The following VPS13C variants were observed in gnomAD, a reference collection of about 807,000 sequenced individuals.
VPS13C encodes vacuolar protein sorting 13 homolog C.
Under a neutral mutation model 456.8 loss-of-function variants are expected in VPS13C, and 358 were observed. That is an observed-to-expected ratio of 0.78 (90% CI 0.72 to 0.86). VPS13C has a LOEUF of 0.86. Among genes scored for constraint, VPS13C ranks in the 40% least tolerant of loss-of-function variants. The pLI is 0.00. For missense variants in VPS13C, 4,818 were observed against 4,385.4 expected (o/e 1.10, Z -2.79); for synonymous variants, 1,578 against 1,486.7 (o/e 1.06, Z -1.41).
rs545746399 is a variant in VPS13C at position 61,988,947 on chromosome 15, T to C, written c.1578+2053A>G. On this transcript the variant is annotated intron_variant, in intron 18 of 84. Transcript: ENST00000644861. Reference sequence around the variant, plus strand: ...TCTAAATACATAAAGTAAGACAATATAAAACTTCTAGAAGCATAGTTTCAT... The same window carrying C: ...TCTAAATACATAAAGTAAGACAATACAAAACTTCTAGAAGCATAGTTTCAT... Among the ~76,000 whole-genome samples the C allele has an allele frequency of 9.2e-5, 14 of 152,060 alleles. No homozygotes were observed. In the South Asian group the frequency reaches 2.7e-3, roughly 29 times the overall value.
chr15:61,986,986 T>A (rs2046076475), intron 18 of VPS13C, among the ~76,000 whole-genome samples: 1 of 152,054 alleles, frequency 6.6e-6, no homozygotes, highest in Admixed American at 6.5e-5. Flanking sequence ...ATAATATAAT[T>A]GGTATTGTTC....
intron 8 of VPS13C, among the ~76,000 whole-genome samples, chr15:62,020,938 T>C (rs950605982): frequency 1.3e-5 from 2 of 151,978 alleles, no homozygotes; most frequent in Non-Finnish European, 2.9e-5. Flanking sequence ...GGGTACATAG[T>C]GGAATACTAT....
At chr15:61,984,773 T>C (rs1406288640) in intron 19 of VPS13C, 84 bp downstream of exon 19, 21 of 1,357,242 alleles carry the variant, frequency 1.5e-5, no homozygotes, top group Non-Finnish European at 2.1e-5. Flanking sequence ...CTGGCACTAA[T>C]CATTTTTAAA....
At position 61,919,303 on chromosome 15, in the gene VPS13C, G is replaced by A. The variant is rs114415141; in HGVS notation, c.7624C>T (p.Arg2542Cys). Reference protein sequence around the residue: ...ATEGNKVITLRSPLQIKNHFS... With the variant: ...ATEGNKVITLCSPLQIKNHFS... The stretch of plus-strand genomic sequence containing the variant: ...TGAAGTATTACCTGTAGAGGAGAGC[G>A]AAGGGTAATTACTTTATTCCCTTCA... The change falls in exon 58 of 85, where the codon CGC becomes TGC. Residue 2542 changes from arginine to cysteine, a missense_variant. By Grantham distance (180) the Arg-to-Cys change is radical. This residue lies in a region of VPS13C where 4,552 missense variants were observed against 4,130.6 expected (regional missense o/e 1.10). Transcript: ENST00000644861. 81 of 1,597,484 alleles carry A rather than the reference G, an allele frequency of 5.1e-5. No homozygotes were observed. The highest frequency in any genetic ancestry group is 1.1e-4 in the East Asian group (5 of 43,646).
At chr15:62,027,242 C>G (rs76873244) in intron 6 of VPS13C, among the ~76,000 whole-genome samples, 1 of 151,788 alleles carries the variant, frequency 6.6e-6, no homozygotes, top group Non-Finnish European at 1.5e-5. Context: ...CGTTAATATA[C>G]CTTTAAAAAA....
At chr15:61,900,021 G>A (rs367619824) in intron 66 of VPS13C, among the ~76,000 whole-genome samples, 10 of 152,184 alleles carry the variant, frequency 6.6e-5, no homozygotes, top group Admixed American at 2.6e-4. Flanking sequence ...CCACATGATT[G>A]TCTCAATAGA....
At chr15:62,032,375 G>T (rs1429537128) in intron 5 of VPS13C, among the ~76,000 whole-genome samples, 3 of 151,800 alleles carry the variant, frequency 2.0e-5, no homozygotes, top group Middle Eastern at 3.4e-3. Flanking sequence ...GCTTCAGCAG[G>T]AAGACAAAAT....
rs1555441013 is a variant in VPS13C at position 62,006,064 on chromosome 15, GT to G, written c.1290+1243del. On this transcript the variant is annotated intron_variant, in intron 15 of 84. Transcript: ENST00000644861. ...TCTTCTTTCCCGAGAAGTAAAAGCT[GT>G]TTTTTTGTTTTTGTTTTTTTTTAAA... Among the ~76,000 whole-genome samples, 6 of 146,932 alleles carry G rather than the reference GT, an allele frequency of 4.1e-5. No individual in the cohort carries two copies. The East Asian group carries it at 1.0e-3, about 24-fold the overall frequency.
At chr15:61,910,368 A>G (rs1211755545) in intron 63 of VPS13C, 63 bp from the exon 64 acceptor site, 2 of 1,242,056 alleles carry the variant, frequency 1.6e-6, no homozygotes, top group Non-Finnish European at 1.0e-6. Flanking sequence ...ATAAGACATT[A>G]CCTAATTAAA....
intron 5 of VPS13C, among the ~76,000 whole-genome samples, chr15:62,032,380 C>G (rs1164253486): frequency 6.6e-6 from 1 of 151,638 alleles, no homozygotes; most frequent in East Asian, 1.9e-4. Context: ...AGCAGGAAGA[C>G]AAAATATGCT....
intron 11 of VPS13C, among the ~76,000 whole-genome samples, chr15:62,012,714 C>T (rs758197756): frequency 7.3e-5 from 11 of 151,660 alleles, no homozygotes; most frequent in Non-Finnish European, 1.5e-4. Context: ...CTTTATAATA[C>T]TCTTAATCAT....
At chr15:61,866,399 A>C (rs1894595180) in intron 81 of VPS13C, 1 of 983,542 alleles carries the variant, frequency 1.0e-6, no homozygotes. Flanking sequence ...AGATATCACA[A>C]GGAAAAAATT....
chr15:61,870,726 C>G (rs1894959349), intron 79 of VPS13C, among the ~76,000 whole-genome samples: 1 of 152,142 alleles, frequency 6.6e-6, no homozygotes, highest in African/African-American at 2.4e-5. Flanking sequence ...TCCAAAATGA[C>G]TGCATTATTT....
intron 76 of VPS13C, 136 bp downstream of exon 76, chr15:61,875,596 T>A (rs944867920): frequency 3.0e-6 from 2 of 655,762 alleles, no homozygotes; most frequent in African/African-American, 3.8e-5. Flanking sequence ...AATAAAAATA[T>A]AAAATTGATA....
chr15:62,023,194 T>A (rs2047522216), intron 8 of VPS13C, among the ~76,000 whole-genome samples: 1 of 151,890 alleles, frequency 6.6e-6, no homozygotes, highest in African/African-American at 2.4e-5. Context: ...ACCTCTTATA[T>A]CAGCTTCAGA....
At chr15:62,024,584 T>C (rs2047571777) in intron 6 of VPS13C, among the ~76,000 whole-genome samples, 2 of 152,068 alleles carry the variant, frequency 1.3e-5, no homozygotes, top group South Asian at 4.1e-4. Flanking sequence ...CAGCCTCAGC[T>C]CCTACTAAAG....
Position 61,929,311 on chromosome 15 carries a change from G to A in VPS13C, c.6286+190C>T, listed in dbSNP as rs16944686. 8.0e-3 allele frequency among the ~76,000 whole-genome samples: 1,221 copies of A among 152,216 alleles called. 8 individuals carry two copies. Among genetic ancestry groups the A allele is most frequent in the Non-Finnish European group, 0.013 (865 of 68,014 alleles). On this transcript the variant is annotated intron_variant, in intron 51 of 84. Transcript: ENST00000644861. ...AACCAGCGGACTTTCCTGGCCATTG[G>A]TCCAATATCTACTGTACCTCTCTCT...
Position 62,014,442 on chromosome 15 carries a change from G to T in VPS13C, c.685-450C>A, listed in dbSNP as rs117377100. The stretch of plus-strand genomic sequence containing the variant: ...AAACACTAAACTTATTTAGCAGCAA[G>T]GGCGTTATTGAGAAACTTGTTAAGA... On this transcript the variant is annotated intron_variant, in intron 9 of 84. Transcript: ENST00000644861. 3.9e-3 allele frequency among the ~76,000 whole-genome samples: 589 copies of T among 152,230 alleles called. 1 individual carries two copies. The highest frequency in any genetic ancestry group is 6.9e-3 in the Non-Finnish European group (466 of 67,986).
Position 61,882,679 on chromosome 15 carries a change from G to C in VPS13C, c.9541C>G (p.Arg3181Gly). 2 of 1,598,534 alleles carry C rather than the reference G, an allele frequency of 1.3e-6. No homozygotes were observed. The highest frequency in any genetic ancestry group is 1.7e-6 in the Non-Finnish European group (2 of 1,172,890). The stretch of plus-strand genomic sequence containing the variant: ...ATCTGAATTCCTGATAAAAAGTCTC[G>C]TTTAATAGGGCTACGAATAGGGAGG... ...MRLPIRSPIK[R>G]DFLSGIQIEF... Residue 3181 changes from arginine to glycine, a missense_variant, in exon 69 of 85, where the codon CGA becomes GGA. Coordinates refer to ENST00000644861, the MANE Select transcript of VPS13C (RefSeq NM_020821.3).
Sources: allele counts gnomAD v4.1 joint callset (sites outside exome capture counted in the v4.1 genomes callset), GRCh38; gene constraint gnomAD v4.1.1; regional missense constraint gnomAD v4.1.1; transcripts MANE v1.5; gene names NCBI Gene and HGNC (gene_info 2026-07-23, HGNC 2026-07-21).